The following NMNAT1 variants were observed in gnomAD, a reference collection of about 807,000 sequenced individuals.
The protein encoded by NMNAT1 is nicotinamide nucleotide adenylyltransferase 1.
NMNAT1 carries 11 observed loss-of-function variants against 16.7 expected under a neutral mutation model. That is an observed-to-expected ratio of 0.66 (90% confidence interval 0.41 to 1.09). The LOEUF (loss-of-function observed/expected upper bound fraction) is 1.09. Ranked by LOEUF, NMNAT1 falls within the 50% of genes least tolerant of loss-of-function variation. NMNAT1 has a pLI of 0.00. For missense variants in NMNAT1, 280 were observed against 332.3 expected, an observed-to-expected ratio of 0.84 and a Z score of 1.22; for synonymous variants, 110 against 119.8, an observed-to-expected ratio of 0.92 and a Z score of 0.53.
At chr1:9,993,274 T>TTCGA in the NMNAT1 span, among the ~76,000 whole-genome samples, 1 of 151,548 alleles carries the variant, frequency 6.6e-6, no homozygotes, top group African/African-American at 2.4e-5. Flanking sequence ...AGGTCAGGAG[T>TTCGA]TCGAGATCAG....
chr1:9,973,868 C>T (rs116013225), intron 2 of NMNAT1, among the ~76,000 whole-genome samples: 2,683 of 151,040 alleles, frequency 0.018, 34 homozygotes, highest in Non-Finnish European at 0.027. Context: ...TACAGAGTCT[C>T]GCTCTGTCGC....
chr1:9,975,734 A>G lies in NMNAT1; in HGVS notation c.258A>G (p.Glu86=). The G allele has an allele frequency of 6.2e-7, 1 of 1,614,070 alleles. No homozygotes were observed. Among genetic ancestry groups the G allele is most frequent in the South Asian group, 1.1e-5 (1 of 91,056 alleles). ...AATGGGTGGAAGTTGATACATGGGAAAGTCTTCAGAAGGAGTGGAAAGAGA... is the reference window on the plus strand; with the variant it reads ...AATGGGTGGAAGTTGATACATGGGAGAGTCTTCAGAAGGAGTGGAAAGAGA... ...NSKWVEVDTW[E]SLQKEWKETL... is the part of the protein sequence containing the mutation. Residue 86 remains glutamate (E), a synonymous_variant, in exon 3 of 5, where the codon GAA becomes GAG. Coordinates refer to ENST00000377205, the MANE Select transcript of NMNAT1 (RefSeq NM_022787.4).
chr1:9,996,323 A>G, the NMNAT1 span, among the ~76,000 whole-genome samples: 7 of 149,520 alleles, frequency 4.7e-5, no homozygotes, highest in South Asian at 2.1e-4. Context: ...AAAAAAAAAA[A>G]AAAGAAAAAA....
chr1:9,953,791 A>G (rs1349087746), intron 1 of NMNAT1, among the ~76,000 whole-genome samples: 1 of 127,598 alleles, frequency 7.8e-6, no homozygotes, highest in Non-Finnish European at 1.6e-5. Context: ...GAAATCATAT[A>G]TCACTCTTTT....
chr1:9,955,324 A>C (rs566543804), intron 1 of NMNAT1, among the ~76,000 whole-genome samples: 21 of 149,310 alleles, frequency 1.4e-4, no homozygotes, highest in Middle Eastern at 3.5e-3. Flanking sequence ...GAATCGCTTG[A>C]ACCCGGGAGG....
intron 1 of NMNAT1, among the ~76,000 whole-genome samples, chr1:9,965,560 C>T (rs1003007579): frequency 2.6e-5 from 4 of 151,696 alleles, no homozygotes; most frequent in African/African-American, 9.7e-5. Context: ...TGCGCCACCA[C>T]ACTCGCTAAT....
At chr1:9,981,349 C>T in intron 4 of NMNAT1, 179 bp downstream of exon 4, 1 of 959,442 alleles carries the variant, frequency 1.0e-6, no homozygotes. Flanking sequence ...ATTCTCCTGC[C>T]TCAGCCTCCT....
chr1:9,979,209 T>G (rs1292724609), intron 3 of NMNAT1, among the ~76,000 whole-genome samples: 1 of 152,166 alleles, frequency 6.6e-6, no homozygotes, highest in East Asian at 1.9e-4. Flanking sequence ...GGCTCACATC[T>G]ATAGTCCCAG....
At chr1:9,950,851 G>A (rs918137514) in intron 1 of NMNAT1, among the ~76,000 whole-genome samples, 1 of 152,138 alleles carries the variant, frequency 6.6e-6, no homozygotes, top group African/African-American at 2.4e-5. Flanking sequence ...CACTTTGGGA[G>A]GCTGAGACGG....
intron 1 of NMNAT1, among the ~76,000 whole-genome samples, chr1:9,949,410 CTTTTTTT>C (rs35755485): frequency 8.5e-6 from 1 of 118,110 alleles, no homozygotes; most frequent in Non-Finnish European, 1.7e-5. Flanking sequence ...TCTTCCACTG[CTTTTTTT>C]TTTTTTTTTT....
At chr1:9,963,640 C>A (rs1294911091) in intron 1 of NMNAT1, among the ~76,000 whole-genome samples, 1 of 152,054 alleles carries the variant, frequency 6.6e-6, no homozygotes, top group East Asian at 1.9e-4. Context: ...AACTTCTGAC[C>A]TCGTGATCCG....
At chr1:9,953,347 G>C (rs866630167) in intron 1 of NMNAT1, among the ~76,000 whole-genome samples, 30 of 149,080 alleles carry the variant, frequency 2.0e-4, no homozygotes, top group Middle Eastern at 3.2e-3. Context: ...CGCCATCTCA[G>C]CTCACTGCAT....
rs1641997700 is a variant in NMNAT1, at chr1:9,983,658, A to C, written c.*957A>C. Reference sequence around the variant, plus strand: ...GTGACAGAGCGAGACTCCATCTCAAAAAAAAAAAAAAGCCTGACAGCTAGC... The same window carrying C: ...GTGACAGAGCGAGACTCCATCTCAACAAAAAAAAAAAGCCTGACAGCTAGC... On this transcript the variant is annotated 3_prime_UTR_variant, in exon 5 of 5. Transcript: ENST00000377205. The C allele has an allele frequency of 1.3e-5, 2 of 151,628 alleles. No individual in the cohort carries two copies. The highest frequency in any genetic ancestry group is 4.8e-5 in the African/African-American group (2 of 41,360). 9.4% of individuals were successfully genotyped at this position (151,628 alleles called of 1,614,324 possible).
the NMNAT1 span, among the ~76,000 whole-genome samples, chr1:9,991,609 T>A: frequency 6.6e-6 from 1 of 152,138 alleles, no homozygotes; most frequent in Admixed American, 6.6e-5. Flanking sequence ...CAACAAACAT[T>A]TATTGAGTAC....
chr1:9,943,227 C>A (rs1302632734), upstream of NMNAT1: 1 of 160,918 alleles, frequency 6.2e-6, no homozygotes, highest in African/African-American at 2.4e-5. Context: ...CCCATGGTCC[C>A]CGAAACTCCT....
At chr1:9,950,868 C>T (rs753249212) in intron 1 of NMNAT1, among the ~76,000 whole-genome samples, 2 of 152,056 alleles carry the variant, frequency 1.3e-5, no homozygotes, top group Non-Finnish European at 2.9e-5. Flanking sequence ...ACGGGTGGAT[C>T]AGTTGAGGTC....
At chr1:9,991,914 A>G in the NMNAT1 span, among the ~76,000 whole-genome samples, 1 of 151,820 alleles carries the variant, frequency 6.6e-6, no homozygotes, top group Non-Finnish European at 1.5e-5. Context: ...AAAAGCAACA[A>G]AAGGGCTGAG....
chr1:9,957,318 C>T (rs1641286509), intron 1 of NMNAT1, among the ~76,000 whole-genome samples: 3 of 152,066 alleles, frequency 2.0e-5, no homozygotes, highest in Admixed American at 6.6e-5. Flanking sequence ...TGTGAGCCAC[C>T]GTGCCCAGTC....
At chr1:9,943,050 C>T (rs1308608237), upstream of NMNAT1, 1 of 280,764 alleles carries the variant, frequency 3.6e-6, no homozygotes, top group Non-Finnish European at 7.3e-6. Context: ...CACGCCTCTT[C>T]CTTGAAAGTG....
Sources: allele counts gnomAD v4.1 joint callset (sites outside exome capture counted in the v4.1 genomes callset), GRCh38; gene constraint gnomAD v4.1.1; transcripts MANE v1.5; gene names NCBI Gene and HGNC (gene_info 2026-07-23, HGNC 2026-07-21).